WWTR1: variants seen among roughly 807,000 people sequenced by gnomAD.
WWTR1 encodes the protein WW domain containing transcription regulator 1.
A neutral mutation model predicts 40.1 loss-of-function variants in WWTR1; 13 were observed. The ratio of observed to expected loss-of-function variants is 0.32; its 90% confidence interval spans 0.21 to 0.52. The LOEUF is 0.52. WWTR1 is among the 20% of genes least tolerant of loss of function. WWTR1 has a pLI of 0.97. For missense variants in WWTR1, 436 were observed against 523.1 expected (o/e 0.83, Z 1.63); for synonymous variants, 230 against 210.1 (o/e 1.09, Z -0.82).
At chr3:149,659,338 T>TTTTTTTTTTTTTG (rs1713461752), upstream of WWTR1, 1 of 141,854 alleles carries the variant, frequency 7.0e-6, no homozygotes. Flanking sequence ...TTAATTTTTT[T>TTTTTTTTTTTTTG]TTTTTTTTTT....
intron 1 of WWTR1, among the ~76,000 whole-genome samples, chr3:149,683,323 T>A (rs988407889): frequency 6.6e-6 from 1 of 152,236 alleles, no homozygotes; most frequent in Non-Finnish European, 1.5e-5. Flanking sequence ...GTTTTCATAA[T>A]GGGTTTACAC....
At chr3:149,694,023 G>A (rs373101346) in intron 1 of WWTR1, among the ~76,000 whole-genome samples, 1 of 152,162 alleles carries the variant, frequency 6.6e-6, no homozygotes, top group Non-Finnish European at 1.5e-5. Flanking sequence ...AAAGCTTTTG[G>A]ACAGCAAAGG....
chr3:149,699,804 C>T (rs1439097349), intron 1 of WWTR1, among the ~76,000 whole-genome samples: 1 of 152,174 alleles, frequency 6.6e-6, no homozygotes, highest in Non-Finnish European at 1.5e-5. Flanking sequence ...GAAGCAGTTC[C>T]AAACCTTCTC....
At chr3:149,626,937 C>T (rs565646507) in intron 2 of WWTR1, among the ~76,000 whole-genome samples, 4 of 152,196 alleles carry the variant, frequency 2.6e-5, no homozygotes, top group Middle Eastern at 6.8e-3. Flanking sequence ...ATATCCTGCC[C>T]ACCGTGCCAC....
Position 149,608,791 on chromosome 3 carries a change from C to T in WWTR1, c.432-35791G>A, listed in dbSNP as rs544432490. Among the ~76,000 whole-genome samples the T allele has an allele frequency of 3.9e-4, 60 of 152,138 alleles. No homozygotes were observed. In the South Asian group the frequency reaches 9.7e-3, roughly 25 times the overall value. ...GTTAAGATCAGTCAAGTGGCTCACG[C>T]GCTATAATCTCAGCACTTTGGGAGG... On this transcript the variant is annotated intron_variant, in intron 2 of 6. Transcript: ENST00000360632.
At chr3:149,588,382 C>A (rs1202661653) in intron 2 of WWTR1, among the ~76,000 whole-genome samples, 1 of 152,206 alleles carries the variant, frequency 6.6e-6, no homozygotes. Flanking sequence ...TAAATGATCT[C>A]ATTTCGCATC....
chr3:149,654,959 TAAA>T (rs5853434), intron 2 of WWTR1, among the ~76,000 whole-genome samples: 1 of 149,676 alleles, frequency 6.7e-6, no homozygotes, highest in African/African-American at 2.5e-5. Context: ...CCGTCTCTAC[TAAA>T]AAAAATACAA....
rs1734877903 is a variant in WWTR1, at chr3:149,518,197, A to G, written c.*2608T>C. 1 of 152,102 alleles carries G rather than the reference A, an allele frequency of 6.6e-6. No homozygotes were observed. Among genetic ancestry groups the G allele is most frequent in the Non-Finnish European group, 1.5e-5 (1 of 68,006 alleles). 9.4% of individuals were successfully genotyped at this position (152,102 alleles called of 1,614,324 possible). The stretch of plus-strand genomic sequence containing the variant: ...AGGGTCCATATTTTATTCTGAAAAA[A>G]TATTTATTATATTCATTCATAAATG... On this transcript the variant is annotated 3_prime_UTR_variant, in exon 7 of 7. Coordinates refer to ENST00000360632, the MANE Select transcript of WWTR1 (RefSeq NM_015472.6).
chr3:149,528,844 T>C (rs181799994), intron 4 of WWTR1, among the ~76,000 whole-genome samples: 1 of 152,200 alleles, frequency 6.6e-6, no homozygotes, highest in Non-Finnish European at 1.5e-5. Flanking sequence ...TGGGGAACCA[T>C]GTAGATCCAA....
At chr3:149,629,968 T>C (rs1711507162) in intron 2 of WWTR1, among the ~76,000 whole-genome samples, 1 of 152,046 alleles carries the variant, frequency 6.6e-6, no homozygotes, top group African/African-American at 2.4e-5. Flanking sequence ...CACCTCAGCC[T>C]CCCCGGTAGC....
chr3:149,560,295 T>C (rs1737028050), intron 3 of WWTR1, among the ~76,000 whole-genome samples: 1 of 152,128 alleles, frequency 6.6e-6, no homozygotes. Context: ...TACTTAAAAC[T>C]AGAGGAGACA....
chr3:149,568,184 G>A (rs1393714791), intron 3 of WWTR1, among the ~76,000 whole-genome samples: 2 of 152,046 alleles, frequency 1.3e-5, no homozygotes, highest in Non-Finnish European at 2.9e-5. Flanking sequence ...TCAGGAGTTC[G>A]AGACCACCCT....
chr3:149,615,807 CCA>C (rs1477512498), intron 2 of WWTR1, among the ~76,000 whole-genome samples: 8 of 152,314 alleles, frequency 5.3e-5, no homozygotes, highest in African/African-American at 1.7e-4. Context: ...AGCGGCCACA[CCA>C]CAGAGGTGTC....
chr3:149,659,081 G>T (rs908618221), upstream of WWTR1, among the ~76,000 whole-genome samples: 1 of 152,170 alleles, frequency 6.6e-6, no homozygotes, highest in African/African-American at 2.4e-5. Context: ...AGGAGGCCTT[G>T]CCCTTCAGAG....
At chr3:149,594,340 A>T (rs1402755568) in intron 2 of WWTR1, among the ~76,000 whole-genome samples, 1 of 151,946 alleles carries the variant, frequency 6.6e-6, no homozygotes, top group Non-Finnish European at 1.5e-5. Context: ...TTCTATGTCG[A>T]TTTTTTTTAA....
At chr3:149,692,864 A>G (rs1714869169) in intron 1 of WWTR1, among the ~76,000 whole-genome samples, 1 of 151,934 alleles carries the variant, frequency 6.6e-6, no homozygotes, top group African/African-American at 2.4e-5. Context: ...TGAACTCCTG[A>G]CCTCAGGTAA....
Position 149,632,758 on chromosome 3 carries a change from G to C in WWTR1, c.431+24118C>G, listed in dbSNP as rs548056069. 1.2e-4 allele frequency among the ~76,000 whole-genome samples: 19 copies of C among 152,320 alleles called. No individual in the cohort carries two copies. In the East Asian group the frequency reaches 3.5e-3, roughly 28 times the overall value. On this transcript the variant is annotated intron_variant, in intron 2 of 6. Transcript: ENST00000360632. ...GTTCTGATGTATGCTACAACATAGAGGAGCCTTGAAAACATTATGCCAAGT... is the reference window on the plus strand; with the variant it reads ...GTTCTGATGTATGCTACAACATAGACGAGCCTTGAAAACATTATGCCAAGT...
At chr3:149,645,196 C>T (rs894410812) in intron 2 of WWTR1, among the ~76,000 whole-genome samples, 12 of 152,172 alleles carry the variant, frequency 7.9e-5, no homozygotes, top group Non-Finnish European at 8.8e-5. Flanking sequence ...TCTCCTGCCT[C>T]GGCCTCCCGA....
intron 2 of WWTR1, among the ~76,000 whole-genome samples, chr3:149,642,989 A>C (rs148863882): frequency 1.2e-4 from 19 of 152,312 alleles, no homozygotes; most frequent in African/African-American, 4.3e-4. Flanking sequence ...TGTCTTTACA[A>C]ATCCCAAATC....
Sources: gnomAD v4.1 joint callset for allele counts (sites outside exome capture counted in the v4.1 genomes callset) on GRCh38, gnomAD v4.1.1 for gene constraint, MANE v1.5 for transcripts, NCBI Gene and HGNC (gene_info 2026-07-23, HGNC 2026-07-21) for gene names.